Variants in KBTBD4 observed in about 807,000 individuals in gnomAD.
KBTBD4 encodes kelch repeat and BTB domain-containing protein 4.
In KBTBD4, 30 loss-of-function variants were observed where a neutral mutation model predicts 43.9. The ratio of observed to expected loss-of-function variants is 0.68; its 90% CI spans 0.51 to 0.93. The LOEUF (loss-of-function observed/expected upper bound fraction) is 0.93, where lower values mean the gene tolerates loss of function less well. Ranked by LOEUF, KBTBD4 falls within the 40% of genes least tolerant of loss-of-function variation. The pLI is 0.00. For missense variants in KBTBD4, 575 were observed against 668.8 expected (o/e 0.86, Z 1.55); for synonymous variants, 258 against 256.9 (o/e 1.00, Z -0.04).
Position 47,573,902 on chromosome 11 carries a change from C to G in KBTBD4, c.745-112G>C. On this transcript the variant is annotated intron_variant, in intron 3 of 3. Coordinates refer to ENST00000430070, the MANE Select transcript of KBTBD4 (RefSeq NM_018095.6). The surrounding 1 kb of genome is among the most constrained non-coding windows in gnomAD (Gnocchi z 4.1). ...CACACTTGTTCCTAGCTTTATCATA[C>G]TACTCTCTAATTACTGTATGGCATC... The G allele has an allele frequency of 1.0e-6, 1 of 982,516 alleles. No homozygotes were observed. Among genetic ancestry groups the G allele is most frequent in the Non-Finnish European group, 1.5e-6 (1 of 665,362 alleles). The allele number at this position is 982,516 out of a possible 1,614,324, so 60.9% of individuals were successfully genotyped here. A position where few individuals can be genotyped will look rare whatever the true frequency, so the allele number is the denominator to read the frequency against.
chr11:47,575,249 C>T (rs1421687117), intron 3 of KBTBD4, among the ~76,000 whole-genome samples: 1 of 151,188 alleles, frequency 6.6e-6, no homozygotes, highest in Non-Finnish European at 1.5e-5. Context: ...GGGCTCATGC[C>T]TGTAATCCCA....
chr11:47,578,514 C>G (rs1000243573), intron 1 of KBTBD4: 32 of 648,844 alleles, frequency 4.9e-5, no homozygotes, highest in Non-Finnish European at 7.9e-5. Context: ...CATATGAAGC[C>G]TAGCCTGGGA....
intron 1 of KBTBD4, 22 bp from the exon 2 acceptor site, chr11:47,578,050 A>C: frequency 1.2e-6 from 2 of 1,612,846 alleles, no homozygotes; most frequent in South Asian, 1.1e-5. Context: ...CACCATCTTG[A>C]GTAACCTGAG....
Position 47,577,912 on chromosome 11 carries a change from CA to C in KBTBD4, c.135del (p.Val46TrpfsTer6). The C allele has an allele frequency of 6.2e-7, 1 of 1,614,218 alleles. No individual in the cohort carries two copies. The highest frequency in any genetic ancestry group is 2.2e-5 in the East Asian group (1 of 44,890). ...YTFKDRSHSGRVAQGIMKLCL... is the reference protein window; with the variant it reads ...YTFKDRSHSGXVAQGIMKLCL... ...CACAGTTTCATGATGCCTTGAGCCA[CA>C]CGGCCTGAATGTGACCGATCTTTGA... On this transcript the variant is annotated frameshift_variant, in exon 2 of 4. Transcript: ENST00000430070. LOFTEE classifies it high-confidence loss of function.
At position 47,572,902 on chromosome 11, in the gene KBTBD4, G is replaced by T; in HGVS notation, c.*28C>A. 1 of 1,591,768 alleles carries T rather than the reference G, an allele frequency of 6.3e-7. No individual in the cohort carries two copies. On this transcript the variant is annotated 3_prime_UTR_variant, in exon 4 of 4. Transcript: ENST00000430070. ...GTTTGTATGGGGAGGGAAAAGGAGTGAGCAGTTCTCCTCCCCTCCCCACAG... is the reference window on the plus strand; with the variant it reads ...GTTTGTATGGGGAGGGAAAAGGAGTTAGCAGTTCTCCTCCCCTCCCCACAG...
rs2097251729 is a variant in KBTBD4, at chr11:47,572,864, C to G, written c.*66G>C. The G allele has an allele frequency of 5.2e-6, 8 of 1,529,858 alleles. No homozygotes were observed. Among genetic ancestry groups the G allele is most frequent in the Non-Finnish European group, 7.1e-6 (8 of 1,129,576 alleles). The allele number at this position is 1,529,858 out of a possible 1,614,324, so 94.8% of individuals were successfully genotyped here. ...AAAAACATAACTCTGAATTGGGGCC[C>G]AGGGGACTTTGAGTTTGTATGGGGA... On this transcript the variant is annotated 3_prime_UTR_variant, in exon 4 of 4. Transcript: ENST00000430070.
At position 47,573,865 on chromosome 11, in the gene KBTBD4, G is replaced by A; in HGVS notation, c.745-75C>T. ...GCTCAGCTAAGACACATATCCTTAA[G>A]ATCCTGGCCCTCACACTTGTTCCTA... is the stretch of plus-strand genomic sequence containing the variant. On this transcript the variant is annotated intron_variant, in intron 3 of 3. Transcript: ENST00000430070. This position sits in a 1 kb window ranked among gnomAD's most constrained non-coding sequence, Gnocchi z 4.1. The A allele has an allele frequency of 7.5e-7, 1 of 1,334,696 alleles. No homozygotes were observed. Among genetic ancestry groups the A allele is most frequent in the Non-Finnish European group, 1.0e-6 (1 of 974,724 alleles). The allele number at this position is 1,334,696 out of a possible 1,614,324, so 82.7% of individuals were successfully genotyped here.
In KBTBD4 at chr11:47,574,834, A is replaced by C. The variant is rs998872325; in HGVS notation, c.744+759T>G. ...GCACCATCGCACTCTAGCCTGGGCA[A>C]CAAGAGCGAAACTCCATCTCTCTCT... is the stretch of plus-strand genomic sequence containing the variant. On this transcript the variant is annotated intron_variant, in intron 3 of 3. Transcript: ENST00000430070. Among the ~76,000 whole-genome samples, 80 of 152,044 alleles carry C rather than the reference A, an allele frequency of 5.3e-4. 3 individuals are homozygous for C. Among genetic ancestry groups the C allele is most frequent in the Non-Finnish European group, 2.9e-5 (2 of 68,020 alleles).
chr11:47,576,227 C>T (rs1315199567), intron 2 of KBTBD4, among the ~76,000 whole-genome samples: 1 of 122,316 alleles, frequency 8.2e-6, no homozygotes, highest in African/African-American at 3.2e-5. Flanking sequence ...AGTGCAGTGG[C>T]GTGATCTCGG....
rs957927279 is a variant in KBTBD4, at chr11:47,573,283, A to T, written c.1252T>A (p.Cys418Ser). ...FFTKPSRLIQ[C>S]FDTETDKCHV... The stretch of plus-strand genomic sequence containing the variant: ...CATTTGTCTGTCTCTGTGTCAAAGC[A>T]CTGGATGAGTCGGGAAGGTTTGGTA... The change falls in exon 4 of 4, where the codon TGC (cysteine) becomes AGC (serine). Residue 418 changes from cysteine to serine, a missense_variant. Cys to Ser is a moderately radical substitution (Grantham distance 112). Coordinates refer to ENST00000430070, the MANE Select transcript of KBTBD4 (RefSeq NM_018095.6). The surrounding 1 kb of genome is among the most constrained non-coding windows in gnomAD (Gnocchi z 4.1). The T allele has an allele frequency of 6.2e-7, 1 of 1,614,016 alleles. No individual in the cohort carries two copies. The highest frequency in any genetic ancestry group is 1.3e-5 in the African/African-American group (1 of 74,894).
In KBTBD4 at chr11:47,577,571, T is replaced by A; in HGVS notation, c.477A>T (p.Gln159His). The change falls in exon 2 of 4, where the codon CAA (glutamine) becomes CAT (histidine). Residue 159 changes from glutamine to histidine, a missense_variant. Gln to His is a conservative substitution (Grantham distance 24). Transcript: ENST00000430070. ...ACATCACCTGAAGGCAGTTTCCCAC[T>A]TGCACTGTGCGGGCCAAAAACCGAG... ...ECSRFLARTV[Q>H]VGNCLQVMWL... is the part of the protein sequence containing the mutation. The A allele has an allele frequency of 6.2e-7, 1 of 1,614,172 alleles. No individual in the cohort carries two copies. The highest frequency in any genetic ancestry group is 8.5e-7 in the Non-Finnish European group (1 of 1,180,020).
chr11:47,574,620 C>T (rs1020905685), intron 3 of KBTBD4, among the ~76,000 whole-genome samples: 2 of 148,684 alleles, frequency 1.3e-5, no homozygotes, highest in Non-Finnish European at 3.0e-5. Flanking sequence ...TCTGGGAGGC[C>T]AAGGTGGGTG....
chr11:47,573,043 G>T lies in KBTBD4; in HGVS notation c.1492C>A (p.Arg498=). Residue 498 remains arginine, a synonymous_variant, in exon 4 of 4, where the codon CGA becomes AGA. Transcript: ENST00000430070. The surrounding 1 kb of genome is among the most constrained non-coding windows in gnomAD (Gnocchi z 4.1). ...GTGTTGGCATCCCCCTTTTTATATC[G>T]GTCCCGGAAGACATAGATGCTCCCG... ...CNGSIYVFRD[R]YKKGDANTYK... is the part of the protein sequence containing the mutation. 3.7e-6 allele frequency: 6 copies of T among 1,614,018 alleles called. No homozygotes were observed. The highest frequency in any genetic ancestry group is 5.1e-6 in the Non-Finnish European group (6 of 1,180,022).
chr11:47,573,857 A>G lies in KBTBD4; in HGVS notation c.745-67T>C, dbSNP rs1217065430. On this transcript the variant is annotated intron_variant, in intron 3 of 3. Transcript: ENST00000430070. The surrounding 1 kb of genome is among the most constrained non-coding windows in gnomAD (Gnocchi z 4.1). Reference sequence around the variant, plus strand: ...AGGCTAAGGCTCAGCTAAGACACATATCCTTAAGATCCTGGCCCTCACACT... The same window carrying G: ...AGGCTAAGGCTCAGCTAAGACACATGTCCTTAAGATCCTGGCCCTCACACT... 2 of 1,370,818 alleles carry G rather than the reference A, an allele frequency of 1.5e-6. No homozygotes were observed. The highest frequency in any genetic ancestry group is 1.0e-6 in the Non-Finnish European group (1 of 1,004,734). The allele number at this position is 1,370,818 out of a possible 1,614,324, so 84.9% of individuals were successfully genotyped here. A position where few individuals can be genotyped will look rare whatever the true frequency, so the allele number is the denominator to read the frequency against.
chr11:47,574,881 C>T (rs1236307144), intron 3 of KBTBD4, among the ~76,000 whole-genome samples: 1 of 3,834 alleles, frequency 2.6e-4, no homozygotes, highest in African/African-American at 3.0e-4. Flanking sequence ...GCAACAAGAG[C>T]GAAACTCCCA....
chr11:47,573,229 C>A lies in KBTBD4; in HGVS notation c.1306G>T (p.Ala436Ser). The A allele has an allele frequency of 2.5e-6, 4 of 1,614,146 alleles. No homozygotes were observed. Among genetic ancestry groups the A allele is most frequent in the Non-Finnish European group, 3.4e-6 (4 of 1,180,024 alleles). The change falls in exon 4 of 4, where the codon GCA becomes TCA. Residue 436 changes from alanine to serine, a missense_variant. Coordinates refer to ENST00000430070, the MANE Select transcript of KBTBD4 (RefSeq NM_018095.6). This position sits in a 1 kb window ranked among gnomAD's most constrained non-coding sequence, Gnocchi z 4.1. The part of the protein sequence containing the change: ...CHVKPYVLPF[A>S]GRMHAAVHKD... Reference sequence around the variant, plus strand: ...TGCACAGCTGCGTGCATGCGGCCTGCAAAGGGCAGCACATAGGGCTTCACA... The same window carrying A: ...TGCACAGCTGCGTGCATGCGGCCTGAAAAGGGCAGCACATAGGGCTTCACA...
Position 47,575,695 on chromosome 11 carries a change from T to C in KBTBD4, c.642A>G (p.Gly214=). Residue 214 remains glycine, a synonymous_variant, in exon 3 of 4, where the codon GGA becomes GGG. Coordinates refer to ENST00000430070, the MANE Select transcript of KBTBD4 (RefSeq NM_018095.6). ...HRLLTDIISD[G]VPCSQNPTEA... ...CTGTTGGGTTCTGAGAACACGGAAC[T>C]CCATCTGTGAGAGCCAGAGGAAAGG... The C allele has an allele frequency of 6.3e-7, 1 of 1,596,764 alleles. No individual in the cohort carries two copies. The highest frequency in any genetic ancestry group is 8.6e-7 in the Non-Finnish European group (1 of 1,169,234).
intron 2 of KBTBD4, 139 bp downstream of exon 2, chr11:47,577,272 G>T: frequency 1.2e-6 from 1 of 837,100 alleles, no homozygotes; most frequent in Non-Finnish European, 1.8e-6. Flanking sequence ...TTTCTCAGCA[G>T]GTTATCTCAG....
chr11:47,573,068 G>T lies in KBTBD4; in HGVS notation c.1467C>A (p.Asn489Lys), dbSNP rs888010650. The T allele has an allele frequency of 6.2e-7, 1 of 1,614,130 alleles. No individual in the cohort carries two copies. The highest frequency in any genetic ancestry group is 1.3e-5 in the African/African-American group (1 of 75,016). Residue 489 changes from asparagine to lysine, a missense_variant, in exon 4 of 4, where the codon AAC becomes AAA. Transcript: ENST00000430070. This position sits in a 1 kb window ranked among gnomAD's most constrained non-coding sequence, Gnocchi z 4.1. Reference sequence around the variant, plus strand: ...GGTCCCGGAAGACATAGATGCTCCCGTTACAGCTGGCAATCTTCCAGAGGG... The same window carrying T: ...GGTCCCGGAAGACATAGATGCTCCCTTTACAGCTGGCAATCTTCCAGAGGG... ...APSLWKIASC[N>K]GSIYVFRDRY...
Sources: gnomAD v4.1 joint callset for allele counts (sites outside exome capture counted in the v4.1 genomes callset) on GRCh38, gnomAD v4.1.1 for gene constraint, Gnocchi (gnomAD v3.1) non-coding constraint, MANE v1.5 for transcripts, NCBI Gene and HGNC (gene_info 2026-07-23, HGNC 2026-07-21) for gene names.